Variants in AGAP1 observed in about 807,000 individuals in gnomAD.
AGAP1 encodes arf-GAP with GTPase, ANK repeat and PH domain-containing protein 1.
AGAP1 carries 29 observed loss-of-function variants against 105.3 expected under a neutral mutation model. The observed-to-expected ratio is 0.28, with a 90% confidence interval of 0.21 to 0.38. The LOEUF is 0.38. AGAP1 is among the 10% of genes least tolerant of loss of function. AGAP1 has a pLI of 1.00. For missense variants in AGAP1, 998 were observed against 1,165.1 expected, an observed-to-expected ratio of 0.86 and a Z score of 2.09; for synonymous variants, 509 against 485.9, an observed-to-expected ratio of 1.05 and a Z score of -0.63.
intron 1 of AGAP1, among the ~76,000 whole-genome samples, chr2:235,638,648 A>G (rs898156524): frequency 6.8e-6 from 1 of 146,680 alleles, no homozygotes; most frequent in Admixed American, 6.6e-5. Flanking sequence ...GTTCCCAATT[A>G]GTAGGAGAAC....
chr2:235,572,060 A>T (rs1488552757), intron 1 of AGAP1, among the ~76,000 whole-genome samples: 1 of 145,852 alleles, frequency 6.9e-6, no homozygotes, highest in Non-Finnish European at 1.5e-5. Flanking sequence ...AAAACATCCA[A>T]CCTGATTTTC....
chr2:236,081,791 C>T (rs2058792084), intron 16 of AGAP1, among the ~76,000 whole-genome samples: 1 of 151,442 alleles, frequency 6.6e-6, no homozygotes, highest in Admixed American at 6.6e-5. Flanking sequence ...GAAAAAATGT[C>T]ATTATCCAGA....
rs2049661256 is a variant in AGAP1, at chr2:235,875,266, TAAC to T, written c.1051-8073_1051-8071del. Among the ~76,000 whole-genome samples the T allele has an allele frequency of 6.6e-6, 1 of 152,240 alleles. No individual in the cohort carries two copies. Among genetic ancestry groups the T allele is most frequent in the African/African-American group, 2.4e-5 (1 of 41,452 alleles). ...TTTCACCTTTTAGAATTCCTGGGAC[TAAC>T]AACAATTGTAATAAAATCGATGGTA... On this transcript the variant is annotated intron_variant, in intron 9 of 17. Coordinates refer to ENST00000304032, the MANE Select transcript of AGAP1 (RefSeq NM_001037131.3). The surrounding 1 kb of genome is among the most constrained non-coding windows in gnomAD (Gnocchi z 4.0).
rs1257084283 is a variant in AGAP1 at position 235,494,826 on chromosome 2, G to A, written c.140G>A (p.Arg47Gln). 6 of 1,575,710 alleles carry A rather than the reference G, an allele frequency of 3.8e-6. No individual in the cohort carries two copies. The highest frequency in any genetic ancestry group is 5.2e-6 in the Non-Finnish European group (6 of 1,160,906). Residue 47 changes from arginine (R) to glutamine (Q), a missense_variant, in exon 1 of 18, where the codon CGG (arginine) becomes CAG (glutamine). By Grantham distance (43) the Arg-to-Gln change is conservative. This residue lies in a region of AGAP1 where 735 missense variants were observed against 833.4 expected (regional missense o/e 0.88). Coordinates refer to ENST00000304032, the MANE Select transcript of AGAP1 (RefSeq NM_001037131.3). The stretch of plus-strand genomic sequence containing the variant: ...GAGCCGGTGCTGCAGAACCAGATCC[G>A]GGAGCACGTCATCGCCATCGAAGGT... ...VEEPVLQNQI[R>Q]EHVIAIEDAF...
chr2:236,082,831 A>T lies in AGAP1; in HGVS notation c.2114+33550A>T, dbSNP rs1170879518. On this transcript the variant is annotated intron_variant, in intron 16 of 17. Transcript: ENST00000304032. The surrounding 1 kb of genome is among the most constrained non-coding windows in gnomAD (Gnocchi z 4.2). ...GGAGGTTGCAGTGAGCCGAGATTGC[A>T]CCCATTGCACTCCAGCCTGGAGGAC... Among the ~76,000 whole-genome samples, 1 of 147,936 alleles carries T rather than the reference A, an allele frequency of 6.8e-6. No individual in the cohort carries two copies. Among genetic ancestry groups the T allele is most frequent in the East Asian group, 2.0e-4 (1 of 4,912 alleles).
At chr2:235,522,961 G>C (rs142502933) in intron 1 of AGAP1, among the ~76,000 whole-genome samples, 20 of 152,294 alleles carry the variant, frequency 1.3e-4, no homozygotes, top group African/African-American at 4.6e-4. Flanking sequence ...CTTAGCTGGG[G>C]CTACTGTAGC....
intron 1 of AGAP1, among the ~76,000 whole-genome samples, chr2:235,542,599 A>C (rs1181504613): frequency 6.6e-6 from 1 of 150,858 alleles, no homozygotes; most frequent in Non-Finnish European, 1.5e-5. Context: ...CAGATTAAAA[A>C]TTCTTAACAA....
rs80151196 is a variant in AGAP1, at chr2:235,944,836, G to A, written c.1483+13913G>A. 4.5e-3 allele frequency among the ~76,000 whole-genome samples: 685 copies of A among 152,242 alleles called. 2 individuals carry two copies. Among genetic ancestry groups the A allele is most frequent in the African/African-American group, 0.015 (633 of 41,560 alleles). On this transcript the variant is annotated intron_variant, in intron 12 of 17. Transcript: ENST00000304032. ...ATGAGATTTGTGAGGCTGCGGCATC[G>A]ATTCTGACCACACATTCTGGAAAAA...
chr2:235,606,088 A>G (rs1270265618), intron 1 of AGAP1, among the ~76,000 whole-genome samples: 1 of 152,264 alleles, frequency 6.6e-6, no homozygotes, highest in Non-Finnish European at 1.5e-5. Context: ...GAGTTCTTGT[A>G]AACAGTGTTG....
chr2:235,671,119 G>C, intron 1 of AGAP1: 2 of 1,239,558 alleles, frequency 1.6e-6, no homozygotes, highest in Non-Finnish European at 2.0e-6. Context: ...TGCCGGTTCC[G>C]CAGCGGCTAT....
rs912278080 is a variant in AGAP1, at chr2:236,000,485, C to A, written c.1645+31862C>A. ...TGGTACTGCGTCCCCCTCCTCCAGT[C>A]CAGTCCCCCACCCTGAGCGTTGATG... On this transcript the variant is annotated intron_variant, in intron 13 of 17. Coordinates refer to ENST00000304032, the MANE Select transcript of AGAP1 (RefSeq NM_001037131.3). This position sits in a 1 kb window ranked among gnomAD's most constrained non-coding sequence, Gnocchi z 4.3. Among the ~76,000 whole-genome samples, 4 of 152,170 alleles carry A rather than the reference C, an allele frequency of 2.6e-5. No individual in the cohort carries two copies. The highest frequency in any genetic ancestry group is 5.9e-5 in the Non-Finnish European group (4 of 68,034).
intron 1 of AGAP1, among the ~76,000 whole-genome samples, chr2:235,627,539 A>G (rs1946683290): frequency 6.6e-6 from 1 of 151,836 alleles, no homozygotes; most frequent in Non-Finnish European, 1.5e-5. Context: ...TGAGTTCTTT[A>G]TGTTGGGCAT....
rs1283486796 is a variant in AGAP1 at position 235,906,987 on chromosome 2, G to C, written c.1156-1751G>C. Among the ~76,000 whole-genome samples, 1 of 152,142 alleles carries C rather than the reference G, an allele frequency of 6.6e-6. No individual in the cohort carries two copies. Among genetic ancestry groups the C allele is most frequent in the African/African-American group, 2.4e-5 (1 of 41,430 alleles). ...GCTGAGTTCATGCCACTCCACTCCA[G>C]CCTGGGCAACAGAGTGAGACTCTTG... On this transcript the variant is annotated intron_variant, in intron 10 of 17. Coordinates refer to ENST00000304032, the MANE Select transcript of AGAP1 (RefSeq NM_001037131.3). The surrounding 1 kb of genome is among the most constrained non-coding windows in gnomAD (Gnocchi z 5.3).
chr2:235,815,996 G>A (rs938316453), intron 9 of AGAP1, among the ~76,000 whole-genome samples: 1 of 152,170 alleles, frequency 6.6e-6, no homozygotes, highest in African/African-American at 2.4e-5. Context: ...CCTGTAGCTG[G>A]GGATGTTCAG....
chr2:235,910,099 T>C (rs950872862), intron 11 of AGAP1, among the ~76,000 whole-genome samples: 6 of 146,494 alleles, frequency 4.1e-5, no homozygotes, highest in African/African-American at 1.5e-4. Flanking sequence ...ATCAAGTGCT[T>C]TTAAAGAGGG....
rs1952103407 is a variant in AGAP1 at position 235,734,126 on chromosome 2, A to G, written c.311-6837A>G. Among the ~76,000 whole-genome samples, 1 of 152,236 alleles carries G rather than the reference A, an allele frequency of 6.6e-6. No homozygotes were observed. The highest frequency in any genetic ancestry group is 6.5e-5 in the Admixed American group (1 of 15,286). ...AAACGAGGGCTGATTGTCCTTTTCAAGGTATCCATCTCATCCCACTTGTTA... is the reference window on the plus strand; with the variant it reads ...AAACGAGGGCTGATTGTCCTTTTCAGGGTATCCATCTCATCCCACTTGTTA... On this transcript the variant is annotated intron_variant, in intron 3 of 17. Coordinates refer to ENST00000304032, the MANE Select transcript of AGAP1 (RefSeq NM_001037131.3). This position sits in a 1 kb window ranked among gnomAD's most constrained non-coding sequence, Gnocchi z 5.3.
chr2:235,741,181 A>G lies in AGAP1; in HGVS notation c.396+133A>G, dbSNP rs1952560412. 3.1e-6 allele frequency: 2 copies of G among 647,970 alleles called. No individual in the cohort carries two copies. Among genetic ancestry groups the G allele is most frequent in the Non-Finnish European group, 4.9e-6 (2 of 410,184 alleles). 40.1% of individuals were successfully genotyped at this position (647,970 alleles called of 1,614,324 possible). On this transcript the variant is annotated intron_variant, in intron 4 of 17. Transcript: ENST00000304032. The surrounding 1 kb of genome is among the most constrained non-coding windows in gnomAD (Gnocchi z 4.9). The stretch of plus-strand genomic sequence containing the variant: ...AACCCCATAAAAAATGTTTCCTCTC[A>G]CTGCATTTTTTTCTCATCTCTAAGA...
At chr2:235,730,110 G>C (rs1406845467) in intron 3 of AGAP1, among the ~76,000 whole-genome samples, 5 of 152,208 alleles carry the variant, frequency 3.3e-5, no homozygotes, top group Non-Finnish European at 4.4e-5. Flanking sequence ...TGGACAAACA[G>C]CTCATAAGCC....
chr2:235,516,055 T>TCTGCTGCTGCTGCTGCTGCTGCTGCTG (rs112761133), intron 1 of AGAP1, among the ~76,000 whole-genome samples: 10 of 138,712 alleles, frequency 7.2e-5, no homozygotes, highest in East Asian at 2.3e-4. Context: ...CATGGGCTCC[T>TCTGCTGCTGCTGCTGCTGCTGCTGCTG]CTGCTGCTGC....
Sources: allele counts gnomAD v4.1 joint callset (sites outside exome capture counted in the v4.1 genomes callset), GRCh38; gene constraint gnomAD v4.1.1; regional missense constraint gnomAD v4.1.1; non-coding constraint Gnocchi (gnomAD v3.1); transcripts MANE v1.5; gene names NCBI Gene and HGNC (gene_info 2026-07-23, HGNC 2026-07-21).